Variants in PSD3 observed in about 807,000 individuals in gnomAD.
PSD3 encodes PH and SEC7 domain-containing protein 3.
In PSD3, 49 loss-of-function variants were observed where a neutral mutation model predicts 105.5. That is an observed-to-expected ratio of 0.46 (90% CI 0.37 to 0.59). PSD3 has a LOEUF of 0.59. PSD3 is among the 20% of genes least tolerant of loss of function. PSD3 has a pLI of 0.00. For synonymous variants in PSD3, 557 were observed against 457.8 expected (o/e 1.22, Z -2.77); for missense variants, 1,561 against 1,263.8 (o/e 1.24, Z -3.57).
intron 11 of PSD3, among the ~76,000 whole-genome samples, chr8:18,603,774 G>C (rs1804610135): frequency 6.6e-6 from 1 of 152,122 alleles, no homozygotes; most frequent in Admixed American, 6.6e-5. Flanking sequence ...AGATCTGGTT[G>C]TTTAAAAGTG....
chr8:18,969,302 T>C (rs1015861164), intron 1 of PSD3, among the ~76,000 whole-genome samples: 2 of 152,210 alleles, frequency 1.3e-5, no homozygotes, highest in South Asian at 4.1e-4. Context: ...AAAGCACATA[T>C]TGTCTTAATT....
chr8:18,970,262 T>C (rs1050957745), intron 1 of PSD3, among the ~76,000 whole-genome samples: 1 of 133,604 alleles, frequency 7.5e-6, no homozygotes, highest in Non-Finnish European at 1.5e-5. Flanking sequence ...GAGGCGGAGC[T>C]TGCAGTGAGC....
chr8:18,797,769 A>G (rs150202796), intron 8 of PSD3, among the ~76,000 whole-genome samples: 199 of 152,288 alleles, frequency 1.3e-3, no homozygotes, highest in African/African-American at 4.6e-3. Flanking sequence ...AGAAATTGCA[A>G]TATTACTGAA....
intron 1 of PSD3, among the ~76,000 whole-genome samples, chr8:19,049,603 A>G (rs568451283): frequency 1.4e-5 from 2 of 147,842 alleles, no homozygotes; most frequent in African/African-American, 2.5e-5. Flanking sequence ...AGGCAGGAGG[A>G]TCACTTGAGC....
chr8:18,660,010 G>A (rs534812376), intron 9 of PSD3, among the ~76,000 whole-genome samples: 2 of 152,120 alleles, frequency 1.3e-5, no homozygotes, highest in Admixed American at 6.5e-5. Flanking sequence ...ACAGTGAAGC[G>A]ATAACTCACT....
intron 15 of PSD3, among the ~76,000 whole-genome samples, chr8:18,542,062 T>A (rs1224302405): frequency 6.6e-6 from 1 of 152,098 alleles, no homozygotes; most frequent in Non-Finnish European, 1.5e-5. Flanking sequence ...CCTGAGAATC[T>A]CTTACGTAGT....
At chr8:19,012,845 G>C (rs1011543691) in intron 1 of PSD3, among the ~76,000 whole-genome samples, 1 of 152,100 alleles carries the variant, frequency 6.6e-6, no homozygotes, top group Non-Finnish European at 1.5e-5. Context: ...TCCCGCTATC[G>C]GGAGAACCAG....
chr8:18,561,174 G>A (rs1407956023), intron 14 of PSD3, among the ~76,000 whole-genome samples: 1 of 152,172 alleles, frequency 6.6e-6, no homozygotes, highest in Non-Finnish European at 1.5e-5. Context: ...CAAGAAGAGG[G>A]AACAGCTCTT....
chr8:19,055,287 C>G (rs1488781405), intron 1 of PSD3, among the ~76,000 whole-genome samples: 1 of 152,010 alleles, frequency 6.6e-6, no homozygotes, highest in Non-Finnish European at 1.5e-5. Context: ...GAGTTTTGCT[C>G]TTTTTGCCCA....
intron 1 of PSD3, among the ~76,000 whole-genome samples, chr8:19,006,064 G>A (rs1414593584): frequency 6.6e-6 from 1 of 151,732 alleles, no homozygotes; most frequent in East Asian, 1.9e-4. Context: ...GGAGGCCGAG[G>A]CAGGCGAATC....
chr8:18,561,788 T>C (rs1563323603), intron 14 of PSD3, among the ~76,000 whole-genome samples: 3 of 152,180 alleles, frequency 2.0e-5, no homozygotes, highest in Admixed American at 6.5e-5. Context: ...TAATGTCATC[T>C]CTATGAAGAC....
At chr8:18,705,959 C>G (rs191039882) in intron 9 of PSD3, among the ~76,000 whole-genome samples, 225 of 152,286 alleles carry the variant, frequency 1.5e-3, no homozygotes, top group African/African-American at 4.9e-3. Flanking sequence ...CCAAGGAAAG[C>G]TTCCTACTCC....
At chr8:18,987,432 C>T (rs1825566275) in intron 1 of PSD3, among the ~76,000 whole-genome samples, 1 of 152,064 alleles carries the variant, frequency 6.6e-6, no homozygotes. Context: ...GAACTACAGG[C>T]ACCCGCCACC....
At chr8:18,786,120 C>T (rs923057812) in intron 8 of PSD3, among the ~76,000 whole-genome samples, 2 of 152,158 alleles carry the variant, frequency 1.3e-5, no homozygotes, top group African/African-American at 2.4e-5. Context: ...AGGAGAATGA[C>T]GTGAACCCGG....
chr8:18,701,435 C>A (rs925053612), intron 9 of PSD3, among the ~76,000 whole-genome samples: 1 of 152,072 alleles, frequency 6.6e-6, no homozygotes, highest in Non-Finnish European at 1.5e-5. Flanking sequence ...TCAACAAGCC[C>A]CTTTATGAAG....
intron 4 of PSD3, among the ~76,000 whole-genome samples, chr8:18,864,163 G>C (rs775210026): frequency 1.3e-5 from 2 of 152,194 alleles, no homozygotes; most frequent in African/African-American, 2.4e-5. Context: ...TCTTGTTCTA[G>C]ATCTACCATG....
intron 1 of PSD3, among the ~76,000 whole-genome samples, chr8:18,974,163 G>C (rs1424094929): frequency 6.6e-6 from 1 of 152,160 alleles, no homozygotes; most frequent in Non-Finnish European, 1.5e-5. Context: ...TCCATAGATT[G>C]TCAGAGTTAA....
Position 18,631,245 on chromosome 8 carries a change from A to T in PSD3, c.2410+1368T>A, listed in dbSNP as rs117757810. 4.6e-3 allele frequency among the ~76,000 whole-genome samples: 707 copies of T among 152,092 alleles called. 1 individual carries two copies. Among genetic ancestry groups the T allele is most frequent in the Non-Finnish European group, 7.9e-3 (539 of 67,924 alleles). On this transcript the variant is annotated intron_variant, in intron 11 of 15. Coordinates refer to ENST00000327040, the MANE Select transcript of PSD3 (RefSeq NM_015310.4). ...GAAGAAGGGTGTGTCTGCACACTGGAAAGAAACAAATGGGTATCTATTGCT... is the reference window on the plus strand; with the variant it reads ...GAAGAAGGGTGTGTCTGCACACTGGTAAGAAACAAATGGGTATCTATTGCT...
chr8:18,603,100 C>T (rs1284129196), intron 11 of PSD3, among the ~76,000 whole-genome samples: 1 of 152,120 alleles, frequency 6.6e-6, no homozygotes, highest in Non-Finnish European at 1.5e-5. Context: ...AGGTATCTTC[C>T]GTGAGAAAGT....
Sources: allele counts gnomAD v4.1 joint callset (sites outside exome capture counted in the v4.1 genomes callset), GRCh38; gene constraint gnomAD v4.1.1; transcripts MANE v1.5; gene names NCBI Gene and HGNC (gene_info 2026-07-23, HGNC 2026-07-21).